The following PLEKHA5 variants were observed in gnomAD, a reference collection of about 807,000 sequenced individuals.
PLEKHA5 encodes the protein pleckstrin homology domain-containing family A member 5.
PLEKHA5 carries 55 observed loss-of-function variants against 181.9 expected under a neutral mutation model. The ratio of observed to expected loss-of-function variants is 0.30; its 90% CI spans 0.24 to 0.38. The LOEUF (loss-of-function observed/expected upper bound fraction) is 0.38, where lower values mean the gene tolerates loss of function less well. Among genes scored for constraint, PLEKHA5 ranks in the 10% least tolerant of loss-of-function variants. The pLI is 1.00. For synonymous variants in PLEKHA5, 535 were observed against 529.4 expected (o/e 1.01, Z -0.15); for missense variants, 1,432 against 1,549.5 (o/e 0.92, Z 1.27).
In PLEKHA5 at chr12:19,340,025, CAGAGAGAGAAAGAA is replaced by C. The variant is rs150591122; in HGVS notation, c.2551-3287_2551-3274del. On this transcript the variant is annotated intron_variant, in intron 21 of 31. Coordinates refer to ENST00000429027, the MANE Select transcript of PLEKHA5 (RefSeq NM_001256470.2). ...CAGCAGGCCATGAATATCCACAAAG[CAGAGAGAGAAAGAA>C]AGAGAGAGAATTGTTGAACAGCATT... 4.2e-3 allele frequency among the ~76,000 whole-genome samples: 633 copies of C among 152,016 alleles called. 7 individuals are homozygous for C. The highest frequency in any genetic ancestry group is 0.014 in the African/African-American group (585 of 41,442).
intron 15 of PLEKHA5, among the ~76,000 whole-genome samples, chr12:19,304,831 A>G (rs958154770): frequency 1.1e-4 from 17 of 151,840 alleles, no homozygotes; most frequent in African/African-American, 4.1e-4. Flanking sequence ...GTGATGCCTC[A>G]TGCCTGTAAT....
At chr12:19,290,880 TAGTGTTGAGCATGAGCCC>T in intron 14 of PLEKHA5, 84 bp downstream of exon 14, 1 of 1,277,950 alleles carries the variant, frequency 7.8e-7, no homozygotes, top group Non-Finnish European at 1.1e-6. Flanking sequence ...TCAGCATCAT[TAGTGTTGAGCATGAGCCC>T]ATACCATCAT....
At chr12:19,365,897 CAA>C (rs536235722) in intron 29 of PLEKHA5, 65 bp from the exon 30 acceptor site, 1 of 1,113,006 alleles carries the variant, frequency 9.0e-7, no homozygotes, top group Non-Finnish European at 1.3e-6. Context: ...TCTTTTATAA[CAA>C]AAAAAAGAAA....
chr12:19,139,109 G>GA (rs2036551267), intron 3 of PLEKHA5, among the ~76,000 whole-genome samples: 1 of 151,376 alleles, frequency 6.6e-6, no homozygotes, highest in Non-Finnish European at 1.5e-5. Flanking sequence ...GGAAAGGAAA[G>GA]GCCATTGATC....
At chr12:19,346,038 G>A (rs747265456) in intron 23 of PLEKHA5, 150 bp downstream of exon 23, 4 of 463,114 alleles carry the variant, frequency 8.6e-6, no homozygotes, top group African/African-American at 6.2e-5. Flanking sequence ...TATTGGATCA[G>A]TAATTTGGTG....
intron 3 of PLEKHA5, among the ~76,000 whole-genome samples, chr12:19,250,063 A>G (rs2064856759): frequency 6.6e-6 from 1 of 152,146 alleles, no homozygotes. Flanking sequence ...ACATTTCCCC[A>G]GTTATGACAT....
intron 12 of PLEKHA5, among the ~76,000 whole-genome samples, chr12:19,284,165 C>T (rs1453300844): frequency 1.3e-5 from 2 of 152,036 alleles, no homozygotes; most frequent in East Asian, 3.9e-4. Flanking sequence ...GCCTCCCGGG[C>T]TCAAGCGATT....
At chr12:19,143,021 C>T (rs2037869002) in intron 3 of PLEKHA5, among the ~76,000 whole-genome samples, 1 of 152,126 alleles carries the variant, frequency 6.6e-6, no homozygotes, top group Non-Finnish European at 1.5e-5. Flanking sequence ...TTTATCCATT[C>T]ATCTCTTGAT....
intron 12 of PLEKHA5, among the ~76,000 whole-genome samples, chr12:19,285,831 A>G (rs554670095): frequency 6.6e-6 from 1 of 152,374 alleles, no homozygotes; most frequent in East Asian, 1.9e-4. Context: ...TGGTAAATGC[A>G]TAAAGCATTT....
intron 3 of PLEKHA5, chr12:19,154,611 C>G (rs2041244962): frequency 2.6e-5 from 4 of 152,166 alleles, no homozygotes; most frequent in Admixed American, 2.6e-4. Flanking sequence ...TGACTCATCT[C>G]TTATTAGTGA....
At chr12:19,201,262 T>C (rs549440212) in intron 3 of PLEKHA5, 1 of 152,184 alleles carries the variant, frequency 6.6e-6, no homozygotes, top group Non-Finnish European at 1.5e-5. Context: ...TCAGCATCAT[T>C]AGACATTAGC....
chr12:19,332,876 A>G (rs969543283), intron 20 of PLEKHA5, among the ~76,000 whole-genome samples: 1 of 152,108 alleles, frequency 6.6e-6, no homozygotes, highest in African/African-American at 2.4e-5. Flanking sequence ...GGCTGGTCTC[A>G]GATTCCTGGG....
intron 3 of PLEKHA5, among the ~76,000 whole-genome samples, chr12:19,223,522 T>A (rs2059284727): frequency 1.3e-5 from 2 of 152,142 alleles, no homozygotes; most frequent in Non-Finnish European, 2.9e-5. Flanking sequence ...AATTACTCAC[T>A]TTTTCTTTGT....
intron 3 of PLEKHA5, among the ~76,000 whole-genome samples, chr12:19,240,245 A>G (rs2062239506): frequency 6.6e-6 from 1 of 151,854 alleles, no homozygotes; most frequent in Admixed American, 6.6e-5. Context: ...AAATAATTGG[A>G]TCTCTTTAAA....
At position 19,340,849 on chromosome 12, in the gene PLEKHA5, A is replaced by G. The variant is rs368832192; in HGVS notation, c.2551-2474A>G. Among the ~76,000 whole-genome samples the G allele has an allele frequency of 9.3e-5, 14 of 150,872 alleles. No homozygotes were observed. In the East Asian group the frequency reaches 2.0e-3, roughly 21 times the overall value. On this transcript the variant is annotated intron_variant, in intron 21 of 31. Transcript: ENST00000429027. ...GCAGGGTCCTCTGCCTAGGAAAACCAGAGACCTTTGTTCACTTATCTGCTG... is the reference window on the plus strand; with the variant it reads ...GCAGGGTCCTCTGCCTAGGAAAACCGGAGACCTTTGTTCACTTATCTGCTG...
At chr12:19,315,324 T>C (rs1388828929) in intron 16 of PLEKHA5, among the ~76,000 whole-genome samples, 2 of 152,190 alleles carry the variant, frequency 1.3e-5, no homozygotes, top group African/African-American at 4.8e-5. Flanking sequence ...GAATACATTA[T>C]ATTTGTATGG....
chr12:19,184,310 A>C (rs534027131), intron 3 of PLEKHA5, among the ~76,000 whole-genome samples: 53 of 152,282 alleles, frequency 3.5e-4, no homozygotes, highest in African/African-American at 1.1e-3. Flanking sequence ...GTAAACCCCC[A>C]AAAATCTGGT....
chr12:19,178,830 AAAAC>A (rs1047877747), intron 3 of PLEKHA5, among the ~76,000 whole-genome samples: 26 of 152,354 alleles, frequency 1.7e-4, no homozygotes, highest in African/African-American at 3.8e-4. Flanking sequence ...ACAAAAATAA[AAAAC>A]AAACAACTCT....
rs77844206 is a variant in PLEKHA5, at chr12:19,366,793, A to G, written c.3754+684A>G. On this transcript the variant is annotated intron_variant, in intron 30 of 31. Transcript: ENST00000429027. ...CTAATAGAATGGGTTTGTTTACTCC[A>G]GCATTGCTATAATCCATACCTGGCT... Among the ~76,000 whole-genome samples the G allele has an allele frequency of 3.9e-3, 595 of 152,356 alleles. 7 individuals carry two copies. Among genetic ancestry groups the G allele is most frequent in the African/African-American group, 0.014 (574 of 41,584 alleles).
Sources: gnomAD v4.1 joint callset for allele counts (sites outside exome capture counted in the v4.1 genomes callset) on GRCh38, gnomAD v4.1.1 for gene constraint, MANE v1.5 for transcripts, NCBI Gene and HGNC (gene_info 2026-07-23, HGNC 2026-07-21) for gene names.